WWC2: variants seen among roughly 807,000 people sequenced by gnomAD.
WWC2 encodes WW and C2 domain containing 2.
Under a neutral mutation model 138.5 loss-of-function variants are expected in WWC2, and 101 were observed. The ratio of observed to expected loss-of-function variants is 0.73; its 90% CI spans 0.62 to 0.86. WWC2 has a LOEUF of 0.86. Among genes scored for constraint, WWC2 ranks in the 40% least tolerant of loss-of-function variants. The probability of loss-of-function intolerance (pLI) is 0.00; values close to 1 mark genes in which losing one functional copy is unlikely to be tolerated. For synonymous variants in WWC2, 558 were observed against 538.4 expected, an observed-to-expected ratio of 1.04 and a Z score of -0.50; for missense variants, 1,420 against 1,419.4, an observed-to-expected ratio of 1.00 and a Z score of -0.01.
chr4:183,218,210 C>T (rs763578302), intron 4 of WWC2, among the ~76,000 whole-genome samples: 1 of 151,970 alleles, frequency 6.6e-6, no homozygotes, highest in Non-Finnish European at 1.5e-5. Flanking sequence ...CAAGAGACTT[C>T]AATAGACATT....
At chr4:183,178,976 G>A (rs1186749389) in intron 1 of WWC2, among the ~76,000 whole-genome samples, 8 of 152,128 alleles carry the variant, frequency 5.3e-5, no homozygotes, top group Non-Finnish European at 7.3e-5. Flanking sequence ...AATTAAAATG[G>A]CTATCAGTAC....
chr4:183,200,344 A>G (rs1735263961), intron 2 of WWC2, among the ~76,000 whole-genome samples: 1 of 152,230 alleles, frequency 6.6e-6, no homozygotes. Flanking sequence ...TTGAGAGAGA[A>G]CTGAGAGTAC....
intron 1 of WWC2, among the ~76,000 whole-genome samples, chr4:183,102,566 C>T (rs1743212072): frequency 1.3e-5 from 2 of 152,156 alleles, no homozygotes; most frequent in Admixed American, 6.5e-5. Context: ...AGCATGTGTC[C>T]TTAATCATTC....
At chr4:183,313,978 A>G (rs974594119) in intron 22 of WWC2, among the ~76,000 whole-genome samples, 34 of 152,010 alleles carry the variant, frequency 2.2e-4, no homozygotes, top group Non-Finnish European at 1.3e-4. Context: ...GTGTTTAGGC[A>G]TAAAGGGGAG....
At position 183,253,941 on chromosome 4, in the gene WWC2, C is replaced by A. The variant is rs369775617; in HGVS notation, c.1138C>A (p.Arg380=). 6.2e-7 allele frequency: 1 copy of A among 1,613,744 alleles called. No homozygotes were observed. The highest frequency in any genetic ancestry group is 8.5e-7 in the Non-Finnish European group (1 of 1,179,836). The change falls in exon 9 of 23, where the codon CGG becomes AGG. Residue 380 remains arginine (R), a synonymous_variant. Coordinates refer to ENST00000403733, the MANE Select transcript of WWC2 (RefSeq NM_024949.6). ...AGAACGCCTAGAAGCTGAAAGGCAG[C>A]GGCTGGAAGAAGAGTTGCTGTCTGT... ...ELERLEAERQ[R]LEEELLSVRG...
intron 1 of WWC2, among the ~76,000 whole-genome samples, chr4:183,141,612 T>A (rs1279948040): frequency 6.6e-6 from 1 of 152,186 alleles, no homozygotes; most frequent in Non-Finnish European, 1.5e-5. Flanking sequence ...GTGGCTAGAT[T>A]CACCTTTGTA....
At chr4:183,250,198 A>T (rs1560866676) in intron 8 of WWC2, among the ~76,000 whole-genome samples, 1 of 147,944 alleles carries the variant, frequency 6.8e-6, no homozygotes, top group Non-Finnish European at 1.5e-5. Context: ...AAAGCTAAAG[A>T]ACAGGGAGAA....
At chr4:183,220,850 A>G (rs1328143695) in intron 4 of WWC2, among the ~76,000 whole-genome samples, 1 of 152,096 alleles carries the variant, frequency 6.6e-6, no homozygotes, top group Non-Finnish European at 1.5e-5. Flanking sequence ...AAAAAAAAAA[A>G]AAAGGTAACA....
intron 4 of WWC2, among the ~76,000 whole-genome samples, chr4:183,224,017 C>T (rs114703676): frequency 0.01 from 1,555 of 152,322 alleles, 30 homozygotes; most frequent in African/African-American, 0.036. Context: ...CAGGTGTGTG[C>T]CACCGCACCC....
chr4:183,230,651 G>A (rs2111286668), intron 4 of WWC2, among the ~76,000 whole-genome samples: 1 of 152,094 alleles, frequency 6.6e-6, no homozygotes, highest in East Asian at 1.9e-4. Flanking sequence ...CACCCAGCCT[G>A]GGCAACTGCC....
At chr4:183,315,136 A>G (rs1429615945) in intron 22 of WWC2, among the ~76,000 whole-genome samples, 1 of 152,216 alleles carries the variant, frequency 6.6e-6, no homozygotes, top group African/African-American at 2.4e-5. Context: ...GCCCTGTCTC[A>G]GCCTCTCCGC....
intron 1 of WWC2, among the ~76,000 whole-genome samples, chr4:183,118,280 G>C (rs957268644): frequency 1.3e-5 from 2 of 152,194 alleles, no homozygotes; most frequent in African/African-American, 2.4e-5. Flanking sequence ...GCATGTTTTT[G>C]TTGGATTTAC....
At chr4:183,142,104 C>T (rs1290316101) in intron 1 of WWC2, among the ~76,000 whole-genome samples, 2 of 152,082 alleles carry the variant, frequency 1.3e-5, no homozygotes, top group East Asian at 1.9e-4. Flanking sequence ...CATGGGCATT[C>T]GTCAGGGAAA....
chr4:183,150,478 T>C (rs1329354090), intron 1 of WWC2, among the ~76,000 whole-genome samples: 1 of 152,206 alleles, frequency 6.6e-6, no homozygotes, highest in African/African-American at 2.4e-5. Flanking sequence ...ATCAGAGTTT[T>C]ACATTGTACG....
chr4:183,271,061 T>C lies in WWC2; in HGVS notation c.2401-19T>C. ...TCTCTTCCTTATTTTTTTTTCTTTG[T>C]TTTCTTTCACTTACATAGGCTGGAA... On this transcript the variant is annotated intron_variant, in intron 15 of 22. Coordinates refer to ENST00000403733, the MANE Select transcript of WWC2 (RefSeq NM_024949.6). 1 of 1,488,952 alleles carries C rather than the reference T, an allele frequency of 6.7e-7. No homozygotes were observed. Among genetic ancestry groups the C allele is most frequent in the Non-Finnish European group, 8.9e-7 (1 of 1,118,526 alleles). 92.2% of individuals were successfully genotyped at this position (1,488,952 alleles called of 1,614,324 possible).
intron 21 of WWC2, among the ~76,000 whole-genome samples, chr4:183,296,869 G>A (rs1461106193): frequency 7.2e-6 from 1 of 138,122 alleles, no homozygotes; most frequent in African/African-American, 2.7e-5. Flanking sequence ...CGGAGGCGGA[G>A]CTTGCAGTGA....
intron 18 of WWC2, among the ~76,000 whole-genome samples, chr4:183,283,499 T>C (rs1369360109): frequency 1.3e-5 from 2 of 152,242 alleles, no homozygotes. Context: ...ATTATAATTT[T>C]GTATTCCTGA....
At chr4:183,180,081 A>C (rs1034812271) in intron 1 of WWC2, among the ~76,000 whole-genome samples, 1 of 152,244 alleles carries the variant, frequency 6.6e-6, no homozygotes, top group Non-Finnish European at 1.5e-5. Context: ...TCTTAGAAGA[A>C]GACAACTGTT....
chr4:183,185,503 C>T (rs1734764690), intron 1 of WWC2, among the ~76,000 whole-genome samples: 1 of 152,190 alleles, frequency 6.6e-6, no homozygotes, highest in Non-Finnish European at 1.5e-5. Flanking sequence ...TGGCCAAATA[C>T]TGAAGTAATT....
Sources: gnomAD v4.1 joint callset for allele counts (sites outside exome capture counted in the v4.1 genomes callset) on GRCh38, gnomAD v4.1.1 for gene constraint, MANE v1.5 for transcripts, NCBI Gene and HGNC (gene_info 2026-07-23, HGNC 2026-07-21) for gene names.